Variants in LIMCH1 observed in about 807,000 individuals in gnomAD.
The protein encoded by LIMCH1 is LIM and calponin homology domains 1.
Under a neutral mutation model 176.5 loss-of-function variants are expected in LIMCH1, and 113 were observed. The ratio of observed to expected loss-of-function variants is 0.64; its 90% confidence interval spans 0.55 to 0.75. The LOEUF is 0.75. Ranked by LOEUF, LIMCH1 falls within the 30% of genes least tolerant of loss-of-function variation. The pLI is 0.00. For synonymous variants in LIMCH1, 619 were observed against 645.9 expected (o/e 0.96, Z 0.63); for missense variants, 1,674 against 1,814.9 (o/e 0.92, Z 1.41).
At chr4:41,688,422 A>G (rs1233546131) in intron 29 of LIMCH1, among the ~76,000 whole-genome samples, 2 of 152,230 alleles carry the variant, frequency 1.3e-5, no homozygotes, top group Admixed American at 1.3e-4. Flanking sequence ...TGGAGAGACA[A>G]ATTACTGAGT....
chr4:41,644,536 GGCCGCGGTGCA>G lies in LIMCH1; in HGVS notation c.2169_2179del (p.Val724GlnfsTer13), dbSNP rs2093981017. The G allele has an allele frequency of 6.3e-7, 1 of 1,596,498 alleles. No individual in the cohort carries two copies. The highest frequency in any genetic ancestry group is 8.5e-7 in the Non-Finnish European group (1 of 1,171,798). ...TGTTTGACATGCGGTGTGAGGAGGAGGCCGCGGTGCAGCCGCACAGCAGGGCCCGCCAGGAG... is the reference window on the plus strand; with the variant it reads ...TGTTTGACATGCGGTGTGAGGAGGAGGCCGCACAGCAGGGCCCGCCAGGAG... On this transcript the variant is annotated frameshift_variant, in exon 15 of 32. Coordinates refer to ENST00000503057, the MANE Select transcript of LIMCH1 (RefSeq NM_001330672.2). LOFTEE classifies it high-confidence loss of function.
At chr4:41,651,156 A>T (rs2094281894) in intron 18 of LIMCH1, among the ~76,000 whole-genome samples, 2 of 152,076 alleles carry the variant, frequency 1.3e-5, no homozygotes, top group South Asian at 4.1e-4. Context: ...ACAGGCATGC[A>T]CAAGTGCACC....
chr4:41,683,768 C>G lies in LIMCH1; in HGVS notation c.3846-629C>G, dbSNP rs149953171. Among the ~76,000 whole-genome samples the G allele has an allele frequency of 3.3e-3, 502 of 152,280 alleles. 1 individual carries two copies. Among genetic ancestry groups the G allele is most frequent in the Non-Finnish European group, 5.2e-3 (356 of 68,016 alleles). On this transcript the variant is annotated intron_variant, in intron 26 of 31. Coordinates refer to ENST00000503057, the MANE Select transcript of LIMCH1 (RefSeq NM_001330672.2). ...CTTGGATGACTTTCCAGTTTAAACT[C>G]TTTAAAGGGACTTTTCAGTTTTATG...
chr4:41,661,034 T>C (rs1387228442), intron 18 of LIMCH1, among the ~76,000 whole-genome samples: 1 of 152,200 alleles, frequency 6.6e-6, no homozygotes. Flanking sequence ...GACAGGCCAC[T>C]GAGAAGTTAA....
intron 3 of LIMCH1, among the ~76,000 whole-genome samples, chr4:41,531,419 G>A (rs188934987): frequency 6.7e-4 from 99 of 148,826 alleles, no homozygotes; most frequent in African/African-American, 2.4e-3. Context: ...TTCATAATAT[G>A]CAGCAGAATT....
chr4:41,570,104 A>T (rs1035031362), intron 1 of LIMCH1, among the ~76,000 whole-genome samples: 2 of 152,198 alleles, frequency 1.3e-5, no homozygotes, highest in African/African-American at 4.8e-5. Flanking sequence ...GAGTGTCACC[A>T]TGTGTCTCAG....
Position 41,658,141 on chromosome 4 carries a change from G to A in LIMCH1, c.3037-3279G>A, listed in dbSNP as rs886580799. On this transcript the variant is annotated intron_variant, in intron 18 of 31. Transcript: ENST00000503057. ...CTAGCAGTATGACCCTCGGTAAGTC[G>A]CTTAACCTCCCGGGCCTCAGTTTCT... 2.8e-4 allele frequency among the ~76,000 whole-genome samples: 42 copies of A among 152,212 alleles called. 1 individual carries two copies. Among genetic ancestry groups the A allele is most frequent in the Non-Finnish European group, 5.1e-4 (35 of 68,006 alleles).
intron 1 of LIMCH1, among the ~76,000 whole-genome samples, chr4:41,458,564 A>G (rs62411122): frequency 0.11 from 16,552 of 151,908 alleles, 993 homozygotes; most frequent in African/African-American, 0.15. Context: ...TCACGAGGTC[A>G]AGAGATCAAG....
chr4:41,410,505 G>A (rs2059384738), intron 1 of LIMCH1, among the ~76,000 whole-genome samples: 1 of 151,954 alleles, frequency 6.6e-6, no homozygotes, highest in Non-Finnish European at 1.5e-5. Context: ...GTCCTTCTTT[G>A]CTCTCCCCTA....
At position 41,471,129 on chromosome 4, in the gene LIMCH1, A is replaced by G. The variant is rs115318970; in HGVS notation, c.97-23407A>G. Among the ~76,000 whole-genome samples, 940 of 152,240 alleles carry G rather than the reference A, an allele frequency of 6.2e-3. 17 individuals carry two copies. Among genetic ancestry groups the G allele is most frequent in the African/African-American group, 0.021 (892 of 41,518 alleles). ...TCTTAAAATAGTCATGTGAAAAATAACAGAAATTGTAGAATAGCAACAGTT... is the reference window on the plus strand; with the variant it reads ...TCTTAAAATAGTCATGTGAAAAATAGCAGAAATTGTAGAATAGCAACAGTT... On this transcript the variant is annotated intron_variant, in intron 1 of 26. Coordinates refer to the LIMCH1 transcript ENST00000313860.
intron 6 of LIMCH1, 42 bp from the exon 7 acceptor site, chr4:41,620,382 C>A: frequency 6.6e-7 from 1 of 1,518,506 alleles, no homozygotes; most frequent in Non-Finnish European, 8.8e-7. Context: ...GCTCCCCAGC[C>A]CAGTCTGTTA....
intron 1 of LIMCH1, among the ~76,000 whole-genome samples, chr4:41,470,186 C>G (rs993792768): frequency 6.6e-6 from 1 of 152,184 alleles, no homozygotes; most frequent in African/African-American, 2.4e-5. Context: ...CCTCAAACCT[C>G]CAACACCATT....
intron 1 of LIMCH1, among the ~76,000 whole-genome samples, chr4:41,594,705 A>G (rs1561862458): frequency 1.3e-5 from 2 of 152,126 alleles, no homozygotes; most frequent in Non-Finnish European, 2.9e-5. Flanking sequence ...TTCTAGCCCA[A>G]ATTGTTTGGG....
At chr4:41,670,649 A>G (rs1293913823) in intron 21 of LIMCH1, 2 of 1,139,634 alleles carry the variant, frequency 1.8e-6, no homozygotes, top group Non-Finnish European at 2.5e-6. Flanking sequence ...ACTTGGGAGC[A>G]TGGTTCTATT....
chr4:41,625,195 G>A (rs1398533436), intron 7 of LIMCH1, among the ~76,000 whole-genome samples: 4 of 152,140 alleles, frequency 2.6e-5, no homozygotes, highest in South Asian at 2.1e-4. Flanking sequence ...CAAAGTGGGC[G>A]TCATAATTCC....
chr4:41,565,822 A>T (rs953899738), intron 1 of LIMCH1, among the ~76,000 whole-genome samples: 1 of 152,188 alleles, frequency 6.6e-6, no homozygotes, highest in African/African-American at 2.4e-5. Flanking sequence ...CAGGGTAGGT[A>T]TCCCATCCCA....
chr4:41,528,982 C>T (rs1261372052), intron 3 of LIMCH1, among the ~76,000 whole-genome samples: 1 of 152,306 alleles, frequency 6.6e-6, no homozygotes, highest in African/African-American at 2.4e-5. Flanking sequence ...TCTTCTGCAA[C>T]GATTGCTGAC....
chr4:41,664,078 C>T (rs2094733734), intron 20 of LIMCH1, among the ~76,000 whole-genome samples: 1 of 151,902 alleles, frequency 6.6e-6, no homozygotes, highest in African/African-American at 2.4e-5. Flanking sequence ...CCATTCCAGA[C>T]CAAATAAATT....
intron 27 of LIMCH1, among the ~76,000 whole-genome samples, chr4:41,684,792 T>C (rs3765034): frequency 0.26 from 39,300 of 152,022 alleles, 5,357 homozygotes; most frequent in Middle Eastern, 0.34. Context: ...AGTAGTGCAT[T>C]CTGAGACTTC....
Sources: gnomAD v4.1 joint callset for allele counts (sites outside exome capture counted in the v4.1 genomes callset) on GRCh38, gnomAD v4.1.1 for gene constraint, MANE v1.5 for transcripts, NCBI Gene and HGNC (gene_info 2026-07-23, HGNC 2026-07-21) for gene names.